PAPOLA: variants seen among roughly 807,000 people sequenced by gnomAD.
PAPOLA encodes polynucleotide adenylyltransferase alpha.
A neutral mutation model predicts 100.6 loss-of-function variants in PAPOLA; 15 were observed. The ratio of observed to expected loss-of-function variants is 0.15; its 90% confidence interval spans 0.10 to 0.23. PAPOLA has a LOEUF of 0.23. PAPOLA is among the 10% of genes least tolerant of loss of function. The probability of loss-of-function intolerance (pLI) is 1.00; values close to 1 mark genes in which losing one functional copy is unlikely to be tolerated. For missense variants in PAPOLA, 533 were observed against 884.2 expected (o/e 0.60, Z 5.04); for synonymous variants, 293 against 300.0 (o/e 0.98, Z 0.24).
chr14:96,517,420 G>A (rs1897555029), intron 1 of PAPOLA, among the ~76,000 whole-genome samples: 1 of 152,176 alleles, frequency 6.6e-6, no homozygotes, highest in Admixed American at 6.5e-5. Flanking sequence ...GGGTACACAG[G>A]GAAACTTTTG....
Position 96,502,535 on chromosome 14 carries a change from G to C in PAPOLA, c.-58G>C, listed in dbSNP as rs1336023915. ...CCCGCCTCAGTGGATCATGCCCAGG[G>C]CGGCAGCGGCGGCGGTTGCGGGGGG... is the stretch of plus-strand genomic sequence containing the variant. On this transcript the variant is annotated 5_prime_UTR_variant, in exon 1 of 22. Transcript: ENST00000216277. The C allele has an allele frequency of 7.1e-7, 1 of 1,403,270 alleles. No individual in the cohort carries two copies. Among genetic ancestry groups the C allele is most frequent in the African/African-American group, 1.5e-5 (1 of 68,442 alleles). 86.9% of individuals were successfully genotyped at this position (1,403,270 alleles called of 1,614,324 possible).
intron 3 of PAPOLA, among the ~76,000 whole-genome samples, chr14:96,524,374 A>G (rs536338833): frequency 3.3e-5 from 5 of 152,288 alleles, no homozygotes; most frequent in East Asian, 1.9e-4. Context: ...AAGAAAAGAA[A>G]ATTTAGTTGT....
At chr14:96,535,760 A>G (rs1899469782) in intron 10 of PAPOLA, 119 bp from the exon 11 acceptor site, 1 of 967,288 alleles carries the variant, frequency 1.0e-6, no homozygotes, top group Non-Finnish European at 1.4e-6. Flanking sequence ...TTCTTTCTCA[A>G]CTCCAGCTAT....
chr14:96,536,912 GAT>G, intron 11 of PAPOLA, 62 bp from the exon 12 acceptor site: 1 of 922,900 alleles, frequency 1.1e-6, no homozygotes, highest in Non-Finnish European at 1.8e-6. Context: ...GTATGATTAA[GAT>G]TATTTAAAAT....
At chr14:96,547,194 G>C (rs1010859506) in intron 15 of PAPOLA, among the ~76,000 whole-genome samples, 2 of 151,980 alleles carry the variant, frequency 1.3e-5, no homozygotes, top group African/African-American at 2.4e-5. Flanking sequence ...TCAAGTATAG[G>C]TGTTTCATAA....
intron 14 of PAPOLA, 25 bp downstream of exon 14, chr14:96,542,918 C>T (rs1900108183): frequency 1.2e-6 from 2 of 1,605,678 alleles, no homozygotes; most frequent in African/African-American, 2.7e-5. Flanking sequence ...AATTTAATTT[C>T]TTCTTCCCAT....
At chr14:96,561,666 G>C (rs994297412) in intron 20 of PAPOLA, among the ~76,000 whole-genome samples, 2 of 152,036 alleles carry the variant, frequency 1.3e-5, no homozygotes, top group African/African-American at 4.8e-5. Context: ...TATTTACTTA[G>C]CATAAATTAA....
Position 96,530,445 on chromosome 14 carries a change from G to A in PAPOLA, c.496-1030G>A, listed in dbSNP as rs75673426. 7.1e-3 allele frequency among the ~76,000 whole-genome samples: 1,044 copies of A among 147,796 alleles called. 15 individuals are homozygous for A. Among genetic ancestry groups the A allele is most frequent in the African/African-American group, 0.025 (989 of 40,086 alleles). Reference sequence around the variant, plus strand: ...TTACTTTACCCAGGCTAGAGGCAGTGTTGCAATCACAGTTCACTGTAGCCT... The same window carrying A: ...TTACTTTACCCAGGCTAGAGGCAGTATTGCAATCACAGTTCACTGTAGCCT... On this transcript the variant is annotated intron_variant, in intron 6 of 21. Transcript: ENST00000216277.
chr14:96,553,231 A>G (rs1252481636), intron 17 of PAPOLA: 1 of 152,358 alleles, frequency 6.6e-6, no homozygotes, highest in Non-Finnish European at 1.5e-5. Context: ...AAAAATTTTC[A>G]GCCAGGTGCA....
At chr14:96,555,030 G>C (rs571677000) in intron 17 of PAPOLA, among the ~76,000 whole-genome samples, 1 of 151,954 alleles carries the variant, frequency 6.6e-6, no homozygotes, top group Non-Finnish European at 1.5e-5. Flanking sequence ...GAGAAACTTC[G>C]GGGGAGTAAA....
chr14:96,528,870 A>G (rs1457460925), intron 6 of PAPOLA, among the ~76,000 whole-genome samples: 1 of 152,256 alleles, frequency 6.6e-6, no homozygotes, highest in Non-Finnish European at 1.5e-5. Context: ...TAAATTTGGT[A>G]AAGGATTATC....
chr14:96,549,545 G>C (rs1328141623), intron 16 of PAPOLA, among the ~76,000 whole-genome samples: 1 of 152,004 alleles, frequency 6.6e-6, no homozygotes, highest in South Asian at 2.1e-4. Flanking sequence ...ACAGCACCTG[G>C]CCAAAAATTT....
intron 10 of PAPOLA, chr14:96,534,801 A>G (rs1313984759): frequency 3.4e-5 from 43 of 1,271,818 alleles, no homozygotes; most frequent in African/African-American, 4.5e-5. Context: ...AGATTTTACT[A>G]ACATTTTAAT....
At chr14:96,563,351 A>C (rs1902020546) in intron 21 of PAPOLA, among the ~76,000 whole-genome samples, 1 of 152,176 alleles carries the variant, frequency 6.6e-6, no homozygotes, top group Admixed American at 6.5e-5. Context: ...ATAGCTCTTC[A>C]GAATTATGTT....
chr14:96,544,488 C>T (rs1900231341), intron 15 of PAPOLA, among the ~76,000 whole-genome samples: 1 of 152,012 alleles, frequency 6.6e-6, no homozygotes, highest in Non-Finnish European at 1.5e-5. Context: ...ATTTACATTA[C>T]ACTTACCAGT....
intron 12 of PAPOLA, among the ~76,000 whole-genome samples, chr14:96,541,321 T>C (rs1429794266): frequency 6.6e-6 from 1 of 152,232 alleles, no homozygotes; most frequent in Non-Finnish European, 1.5e-5. Context: ...TTTTAGACTT[T>C]TCAAAGAGTA....
intron 21 of PAPOLA, among the ~76,000 whole-genome samples, chr14:96,563,689 C>A (rs1404417108): frequency 6.6e-6 from 1 of 152,138 alleles, no homozygotes; most frequent in Non-Finnish European, 1.5e-5. Flanking sequence ...TAAACATGTG[C>A]TTTTGCTAGA....
At chr14:96,515,271 T>C (rs1249253945) in intron 1 of PAPOLA, among the ~76,000 whole-genome samples, 3 of 152,212 alleles carry the variant, frequency 2.0e-5, no homozygotes, top group Non-Finnish European at 4.4e-5. Context: ...CTGAAAATTC[T>C]TTATACATTA....
chr14:96,527,920 C>G (rs1898636098), intron 5 of PAPOLA, 33 bp from the exon 6 acceptor site: 1 of 1,511,490 alleles, frequency 6.6e-7, no homozygotes, highest in Non-Finnish European at 9.2e-7. Flanking sequence ...AATGTAGTTT[C>G]AGAGACCCTG....
Sources: allele counts gnomAD v4.1 joint callset (sites outside exome capture counted in the v4.1 genomes callset), GRCh38; gene constraint gnomAD v4.1.1; transcripts MANE v1.5; gene names NCBI Gene and HGNC (gene_info 2026-07-23, HGNC 2026-07-21).